The following MYH7 variants were observed in gnomAD, a reference collection of about 807,000 sequenced individuals.
MYH7 encodes the protein myosin-7.
In MYH7, 129 loss-of-function variants were observed where a neutral mutation model predicts 225.4. That is an observed-to-expected ratio of 0.57 (90% CI 0.50 to 0.66). The LOEUF (loss-of-function observed/expected upper bound fraction) is 0.66. Among genes scored for constraint, MYH7 ranks in the 30% least tolerant of loss-of-function variants. The pLI is 0.00. For synonymous variants in MYH7, 971 were observed against 1,007.6 expected, an observed-to-expected ratio of 0.96 and a Z score of 0.69; for missense variants, 1,649 against 2,517.0, an observed-to-expected ratio of 0.66 and a Z score of 7.38.
At chr14:23,418,505 G>T in intron 29 of MYH7, 99 bp from the exon 30 acceptor site, 1 of 1,385,466 alleles carries the variant, frequency 7.2e-7, no homozygotes, top group Non-Finnish European at 9.6e-7. Flanking sequence ...TCATCCCTTG[G>T]CCTCATCTAT....
intron 27 of MYH7, 49 bp downstream of exon 27, chr14:23,419,796 G>A (rs768611525): frequency 6.2e-7 from 1 of 1,614,034 alleles, no homozygotes; most frequent in South Asian, 1.1e-5. Context: ...GGACAGAAAG[G>A]GGAGGTGGGA....
rs757824880 is a variant in MYH7, at chr14:23,425,054, G to A, written c.2424-30C>T. On this transcript the variant is annotated intron_variant, in intron 21 of 39. Coordinates refer to ENST00000355349, the MANE Select transcript of MYH7 (RefSeq NM_000257.4). This position sits in a 1 kb window ranked among gnomAD's most constrained non-coding sequence, Gnocchi z 4.6. ...AGGGGCCCATTGAAAGGAGTGCTGA[G>A]CCTCCTGCCTCCTTCCTACCTGAGG... 7 of 1,613,918 alleles carry A rather than the reference G, an allele frequency of 4.3e-6. No individual in the cohort carries two copies. The Admixed American group carries it at 6.7e-5, about 15-fold the overall frequency.
chr14:23,424,835 C>A lies in MYH7; in HGVS notation c.2613G>T (p.Lys871Asn), dbSNP rs869025480. The change falls in exon 22 of 40, where the codon AAG becomes AAT. Residue 871 changes from lysine to asparagine, a missense_variant. Around this residue, in one of 12 missense-constraint regions of MYH7, gnomAD observed 282 missense variants for 315.3 expected, o/e 0.89. Transcript: ENST00000355349. ...EALEKSEARRKELEEKMVSLL... is the reference protein window; with the variant it reads ...EALEKSEARRNELEEKMVSLL... ...GGGACACCATCTTCTCCTCCAGCTC[C>A]TTGCGGCGAGCCTCGGACTTCTCTA... The A allele has an allele frequency of 6.2e-7, 1 of 1,614,228 alleles. No individual in the cohort carries two copies. The highest frequency in any genetic ancestry group is 8.5e-7 in the Non-Finnish European group (1 of 1,180,044).
At chr14:23,418,120 T>G in intron 30 of MYH7, 90 bp downstream of exon 30, 2 of 1,583,302 alleles carry the variant, frequency 1.3e-6, no homozygotes, top group Non-Finnish European at 1.7e-6. Flanking sequence ...TAGCTAAGCA[T>G]CGCCTGTGTG....
At chr14:23,428,877 G>A in intron 14 of MYH7, 78 bp downstream of exon 14, 1 of 1,608,320 alleles carries the variant, frequency 6.2e-7, no homozygotes, top group Non-Finnish European at 8.5e-7. Context: ...CTGGTCCACA[G>A]CTGGCTCTAA....
intron 31 of MYH7, 54 bp downstream of exon 31, chr14:23,417,449 C>G: frequency 6.2e-7 from 1 of 1,612,126 alleles, no homozygotes; most frequent in African/African-American, 1.3e-5. Flanking sequence ...TCTCACTGAA[C>G]CCCTCATGCC....
At chr14:23,421,732 T>G (rs1892480502) in intron 25 of MYH7, 1 of 985,168 alleles carries the variant, frequency 1.0e-6, no homozygotes, top group Non-Finnish European at 1.2e-6. Flanking sequence ...GAACCACAAG[T>G]TAAGCAAAAC....
intron 11 of MYH7, 38 bp from the exon 12 acceptor site, chr14:23,429,951 G>A (rs202199570): frequency 6.2e-7 from 1 of 1,612,174 alleles, no homozygotes; most frequent in Non-Finnish European, 8.5e-7. Flanking sequence ...CCCAGAAAAA[G>A]AAGTATGATG....
chr14:23,430,417 T>C, intron 11 of MYH7, 143 bp downstream of exon 11: 2 of 725,560 alleles, frequency 2.8e-6, no homozygotes, highest in Non-Finnish European at 5.0e-6. Context: ...CAGTACACCC[T>C]GATCACAGGG....
chr14:23,417,438 C>A lies in MYH7; in HGVS notation c.4353+65G>T, dbSNP rs1165881908. On this transcript the variant is annotated intron_variant, in intron 31 of 39. Coordinates refer to ENST00000355349, the MANE Select transcript of MYH7 (RefSeq NM_000257.4). ...CACCTCCAAGGAGGATGGCTCTGGC[C>A]TCTCACTGAACCCCTCATGCCCCCT... is the stretch of plus-strand genomic sequence containing the variant. The A allele has an allele frequency of 2.5e-6, 4 of 1,611,946 alleles. No individual in the cohort carries two copies. In the African/African-American group the frequency reaches 4.0e-5, roughly 16 times the overall value.
At position 23,433,131 on chromosome 14, in the gene MYH7, C is replaced by A. The variant is rs730880154; in HGVS notation, c.298G>T (p.Ala100Ser). 1 of 1,614,118 alleles carries A rather than the reference C, an allele frequency of 6.2e-7. No homozygotes were observed. Among genetic ancestry groups the A allele is most frequent in the Non-Finnish European group, 8.5e-7 (1 of 1,180,008 alleles). ...MAMLTFLHEP[A>S]VLYNLKDRYG... ...CGATCCTTGAGGTTGTAGAGCACCGCGGGCTCATGCAGGAAGGTCAGCATG... is the reference window on the plus strand; with the variant it reads ...CGATCCTTGAGGTTGTAGAGCACCGAGGGCTCATGCAGGAAGGTCAGCATG... Residue 100 changes from alanine to serine, a missense_variant, in exon 4 of 40, where the codon GCG (alanine) becomes TCG (serine). By Grantham distance (99) the Ala-to-Ser change is moderately conservative. Coordinates refer to ENST00000355349, the MANE Select transcript of MYH7 (RefSeq NM_000257.4). The surrounding 1 kb of genome is among the most constrained non-coding windows in gnomAD (Gnocchi z 4.1).
chr14:23,417,449 C>T (rs991072776), intron 31 of MYH7, 54 bp downstream of exon 31: 30 of 1,612,008 alleles, frequency 1.9e-5, no homozygotes, highest in Non-Finnish European at 2.5e-5. Context: ...TCTCACTGAA[C>T]CCCTCATGCC....
rs730880773 is a variant in MYH7, at chr14:23,420,230, C to G, written c.3341G>C (p.Arg1114Pro). 6.2e-7 allele frequency: 1 copy of G among 1,609,246 alleles called. No homozygotes were observed. The highest frequency in any genetic ancestry group is 8.5e-7 in the Non-Finnish European group (1 of 1,178,700). The change falls in exon 27 of 40, where the codon CGC (arginine) becomes CCC (proline). Residue 1114 changes from arginine (R) to proline (P), a missense_variant. This residue lies in a region of MYH7 where 106 missense variants were observed against 198.8 expected (regional missense o/e 0.53). Coordinates refer to ENST00000355349, the MANE Select transcript of MYH7 (RefSeq NM_000257.4). ...CAGCTCCTCCTCCAGCTCCTCGATG[C>G]GTGCCTGGTCAGACACAAAGGGCTC... is the stretch of plus-strand genomic sequence containing the variant. ...LQKKLKELQARIEELEEELEA... is the reference protein window; with the variant it reads ...LQKKLKELQAPIEELEEELEA...
chr14:23,433,598 C>T lies in MYH7; in HGVS notation c.135G>A (p.Glu45=), dbSNP rs397516102. The change falls in exon 3 of 40, where the codon GAG becomes GAA. Residue 45 remains glutamate, a synonymous_variant. Coordinates refer to ENST00000355349, the MANE Select transcript of MYH7 (RefSeq NM_000257.4). This position sits in a 1 kb window ranked among gnomAD's most constrained non-coding sequence, Gnocchi z 4.1. Reference sequence around the variant, plus strand: ...GAGACACGATCTTGGCCTTGACAAACTCCTGTTTGTCATCAGGCACGAAGA... The same window carrying T: ...GAGACACGATCTTGGCCTTGACAAATTCCTGTTTGTCATCAGGCACGAAGA... ...KDVFVPDDKQ[E]FVKAKIVSRE... The T allele has an allele frequency of 6.2e-7, 1 of 1,614,256 alleles. No homozygotes were observed. Among genetic ancestry groups the T allele is most frequent in the Non-Finnish European group, 8.5e-7 (1 of 1,180,042 alleles).
In MYH7 at chr14:23,415,844, G is replaced by A. The variant is rs1273743893; in HGVS notation, c.4954-12C>T. ...TGAATCTGGGTGTCCTGAGGATCAG[G>A]AGAGTGGGCATGAGCAGGGAGCCAG... On this transcript the variant is annotated splice_polypyrimidine_tract_variant and intron_variant, in intron 34 of 39. Transcript: ENST00000355349. The surrounding 1 kb of genome is among the most constrained non-coding windows in gnomAD (Gnocchi z 6.3). 4.3e-6 allele frequency: 7 copies of A among 1,614,244 alleles called. No individual in the cohort carries two copies. Among genetic ancestry groups the A allele is most frequent in the Non-Finnish European group, 5.9e-6 (7 of 1,180,044 alleles).
rs763943418 is a variant in MYH7, at chr14:23,426,871, C to T, written c.1957-7G>A. ...TCAGCTTGTTCAGATTTTCCTGTGG[C>T]CAAAAATGCAATAGAGAAAAGTAAA... is the stretch of plus-strand genomic sequence containing the variant. On this transcript the variant is annotated splice_polypyrimidine_tract_variant and splice_region_variant and intron_variant, in intron 17 of 39. Coordinates refer to ENST00000355349, the MANE Select transcript of MYH7 (RefSeq NM_000257.4). 1 of 1,612,256 alleles carries T rather than the reference C, an allele frequency of 6.2e-7. No individual in the cohort carries two copies. Among genetic ancestry groups the T allele is most frequent in the Non-Finnish European group, 8.5e-7 (1 of 1,179,064 alleles).
rs200728597 is a variant in MYH7, at chr14:23,413,813, G to A, written c.5736C>T (p.Ile1912=). 497 of 1,614,260 alleles carry A rather than the reference G, an allele frequency of 3.1e-4. 7 individuals carry two copies. In the South Asian group the frequency reaches 4.3e-3, roughly 14 times the overall value. The stretch of plus-strand genomic sequence containing the variant: ...GCAGCTTGTTGACCTGGGACTCGGC[G>A]ATGTCCGCCCGCTCCTCTGCCTCAT... The part of the protein sequence containing the change: ...ELDEAEERAD[I]AESQVNKLRA... Residue 1912 remains isoleucine, a synonymous_variant, in exon 39 of 40, where the codon ATC becomes ATT. Coordinates refer to ENST00000355349, the MANE Select transcript of MYH7 (RefSeq NM_000257.4).
intron 23 of MYH7, 22 bp downstream of exon 23, chr14:23,423,885 A>G: frequency 1.2e-6 from 2 of 1,613,784 alleles, no homozygotes; most frequent in Non-Finnish European, 1.7e-6. Flanking sequence ...CCCGGGCTGG[A>G]GCCAAAGGGA....
At chr14:23,416,846 C>T (rs200498585) in intron 33 of MYH7, 22 bp downstream of exon 33, 112 of 1,613,866 alleles carry the variant, frequency 6.9e-5, no homozygotes, top group Non-Finnish European at 8.5e-5. Flanking sequence ...CCCTGCACCC[C>T]GTGCCCTGCA....
Sources: allele counts gnomAD v4.1 joint callset, GRCh38; gene constraint gnomAD v4.1.1; regional missense constraint gnomAD v4.1.1; non-coding constraint Gnocchi (gnomAD v3.1); transcripts MANE v1.5; gene names NCBI Gene and HGNC (gene_info 2026-07-23, HGNC 2026-07-21).